DNAJC24: variants seen among roughly 807,000 people sequenced by gnomAD.
DNAJC24 encodes dnaJ homolog subfamily C member 24.
In DNAJC24, 17 loss-of-function variants were observed where a neutral mutation model predicts 18.0. The observed-to-expected ratio is 0.94, with a 90% CI of 0.65 to 1.42. The LOEUF (loss-of-function observed/expected upper bound fraction) is 1.42. Ranked by LOEUF, DNAJC24 falls within the 40% of genes most tolerant of loss-of-function variation. The probability of loss-of-function intolerance (pLI) is 0.00; values close to 1 mark genes in which losing one functional copy is unlikely to be tolerated. For missense variants in DNAJC24, 158 were observed against 175.6 expected, an observed-to-expected ratio of 0.90 and a Z score of 0.57; for synonymous variants, 55 against 57.7, an observed-to-expected ratio of 0.95 and a Z score of 0.21.
At chr11:31,400,143 T>G (rs937701228) in intron 2 of DNAJC24, among the ~76,000 whole-genome samples, 1 of 152,234 alleles carries the variant, frequency 6.6e-6, no homozygotes, top group Non-Finnish European at 1.5e-5. Flanking sequence ...TGCCACATTT[T>G]CTTTATCCAA....
chr11:31,419,009 G>A (rs1299357236), intron 3 of DNAJC24, among the ~76,000 whole-genome samples: 4 of 151,964 alleles, frequency 2.6e-5, no homozygotes, highest in African/African-American at 9.7e-5. Context: ...AATCCTTCCT[G>A]AAAAGAATGG....
intron 2 of DNAJC24, 54 bp downstream of exon 2, chr11:31,370,913 T>C (rs1952233285): frequency 1.3e-5 from 15 of 1,150,436 alleles, no homozygotes; most frequent in Non-Finnish European, 1.9e-5. Flanking sequence ...TCAATTTTTA[T>C]ATGAAACCAC....
intron 2 of DNAJC24, among the ~76,000 whole-genome samples, chr11:31,371,589 A>G (rs1279887570): frequency 6.6e-6 from 1 of 152,124 alleles, no homozygotes; most frequent in Non-Finnish European, 1.5e-5. Context: ...GTTAATAATC[A>G]AACAGTTTTT....
intron 2 of DNAJC24, among the ~76,000 whole-genome samples, chr11:31,386,779 C>T (rs1307550527): frequency 6.6e-6 from 1 of 152,158 alleles, no homozygotes; most frequent in Non-Finnish European, 1.5e-5. Context: ...TGGGGTAGAG[C>T]ACTAAGTGGG....
intron 2 of DNAJC24, among the ~76,000 whole-genome samples, chr11:31,403,848 A>G (rs1353996511): frequency 6.6e-6 from 1 of 152,232 alleles, no homozygotes; most frequent in Non-Finnish European, 1.5e-5. Context: ...GAAAGACTTC[A>G]GGGTGAGTCC....
At chr11:31,399,414 CTTTTTTTT>C (rs568328386) in intron 2 of DNAJC24, among the ~76,000 whole-genome samples, 1 of 138,452 alleles carries the variant, frequency 7.2e-6, no homozygotes, top group African/African-American at 2.6e-5. Context: ...TCTTAATTCT[CTTTTTTTT>C]TTTTTTTTTT....
chr11:31,375,576 A>G (rs182510309), intron 2 of DNAJC24, among the ~76,000 whole-genome samples: 1 of 135,200 alleles, frequency 7.4e-6, no homozygotes, highest in African/African-American at 2.5e-5. Context: ...TAATTAACAA[A>G]AGCAGAGAGG....
chr11:31,403,814 A>C (rs986575289), intron 2 of DNAJC24, among the ~76,000 whole-genome samples: 2 of 152,168 alleles, frequency 1.3e-5, no homozygotes, highest in Non-Finnish European at 2.9e-5. Context: ...AGACCCCAAG[A>C]GAGGGTTCTT....
At chr11:31,381,997 G>T (rs1195594638) in intron 2 of DNAJC24, among the ~76,000 whole-genome samples, 1 of 152,100 alleles carries the variant, frequency 6.6e-6, no homozygotes, top group Non-Finnish European at 1.5e-5. Context: ...TGTTTATGAG[G>T]ATTGAAACAA....
chr11:31,416,429 A>C (rs1190587004), intron 3 of DNAJC24: 2 of 152,222 alleles, frequency 1.3e-5, no homozygotes, highest in East Asian at 3.8e-4. Context: ...GTGTGTTAGA[A>C]GAAATCTACA....
intron 3 of DNAJC24, among the ~76,000 whole-genome samples, chr11:31,417,637 T>C (rs1288667978): frequency 1.3e-5 from 2 of 152,236 alleles, no homozygotes; most frequent in East Asian, 3.9e-4. Flanking sequence ...ACCTTTCTTT[T>C]CATAGGGGTG....
intron 3 of DNAJC24, among the ~76,000 whole-genome samples, chr11:31,417,895 A>G (rs1357992741): frequency 6.6e-6 from 1 of 152,114 alleles, no homozygotes; most frequent in Non-Finnish European, 1.5e-5. Flanking sequence ...GCTTCTCAAA[A>G]GAAATGATCA....
chr11:31,376,437 TTTTG>T lies in DNAJC24; in HGVS notation c.111+5582_111+5585del, dbSNP rs1281030872. On this transcript the variant is annotated intron_variant, in intron 2 of 4. Transcript: ENST00000465995. ...ATGGCCATGAGTTATGTTCAGTTAATTTTGTTTAAGAAGGCTAGGAAGTATAGAG... is the reference window on the plus strand; with the variant it reads ...ATGGCCATGAGTTATGTTCAGTTAATTTTAAGAAGGCTAGGAAGTATAGAG... Among the ~76,000 whole-genome samples, 5 of 152,342 alleles carry T rather than the reference TTTTG, an allele frequency of 3.3e-5. No individual in the cohort carries two copies. In the East Asian group the frequency reaches 7.7e-4, roughly 23 times the overall value.
intron 2 of DNAJC24, among the ~76,000 whole-genome samples, chr11:31,372,606 A>T (rs1376531530): frequency 7.4e-6 from 1 of 135,822 alleles, no homozygotes; most frequent in Non-Finnish European, 1.7e-5. Context: ...GCTGGCCTTT[A>T]ATTGGCCACT....
chr11:31,403,326 G>A (rs900956532), intron 2 of DNAJC24, among the ~76,000 whole-genome samples: 2 of 152,104 alleles, frequency 1.3e-5, no homozygotes, highest in Non-Finnish European at 2.9e-5. Flanking sequence ...AAGGAGAATT[G>A]GGCAGCTCAT....
chr11:31,413,477 CCCA>C (rs1394246285), intron 2 of DNAJC24, among the ~76,000 whole-genome samples: 2 of 151,650 alleles, frequency 1.3e-5, no homozygotes, highest in African/African-American at 4.8e-5. Flanking sequence ...ATTACAGGCG[CCCA>C]CCACCACACC....
intron 2 of DNAJC24, among the ~76,000 whole-genome samples, chr11:31,397,458 A>C (rs1952552557): frequency 6.7e-6 from 1 of 149,078 alleles, no homozygotes; most frequent in Non-Finnish European, 1.5e-5. Flanking sequence ...AGTGTGTTGT[A>C]CTTGACTTTA....
At chr11:31,427,997 A>G (rs1952880650) in intron 4 of DNAJC24, 2 of 150,868 alleles carry the variant, frequency 1.3e-5, no homozygotes. Flanking sequence ...AAAAACAAGC[A>G]TAGCAAGACC....
intron 2 of DNAJC24, among the ~76,000 whole-genome samples, chr11:31,401,217 A>G (rs1360607185): frequency 2.0e-5 from 3 of 152,226 alleles, no homozygotes; most frequent in African/African-American, 7.2e-5. Context: ...TGAAAAAGTC[A>G]GTAAACAATA....
Sources: allele counts gnomAD v4.1 joint callset (sites outside exome capture counted in the v4.1 genomes callset), GRCh38; gene constraint gnomAD v4.1.1; transcripts MANE v1.5; gene names NCBI Gene and HGNC (gene_info 2026-07-23, HGNC 2026-07-21).